Variants in AUH observed in about 807,000 individuals in gnomAD.
AUH encodes AU RNA binding methylglutaconyl-CoA hydratase.
Under a neutral mutation model 42.3 loss-of-function variants are expected in AUH, and 29 were observed. The observed-to-expected ratio is 0.69, with a 90% CI of 0.51 to 0.93. The LOEUF (loss-of-function observed/expected upper bound fraction) is 0.93. AUH is among the 40% of genes least tolerant of loss of function. The probability of loss-of-function intolerance (pLI) is 0.00; values close to 1 mark genes in which losing one functional copy is unlikely to be tolerated. For synonymous variants in AUH, 174 were observed against 166.4 expected (o/e 1.05, Z -0.35); for missense variants, 452 against 438.1 (o/e 1.03, Z -0.28).
intron 6 of AUH, among the ~76,000 whole-genome samples, chr9:91,234,368 A>G (rs3851542): frequency 1.3e-5 from 2 of 152,194 alleles, no homozygotes; most frequent in African/African-American, 4.8e-5. Flanking sequence ...AGTGACGTGC[A>G]GACCTGCCAT....
intron 1 of AUH, chr9:91,357,478 A>T (rs1439303788): frequency 6.2e-6 from 6 of 966,950 alleles, no homozygotes; most frequent in Non-Finnish European, 7.4e-6. Flanking sequence ...CATACTGAGT[A>T]CGTACTATAG....
intron 3 of AUH, among the ~76,000 whole-genome samples, chr9:91,355,254 A>C (rs1832317949): frequency 6.6e-6 from 1 of 152,190 alleles, no homozygotes; most frequent in African/African-American, 2.4e-5. Context: ...AAAATTGAGA[A>C]TCCTTAAGAA....
At chr9:91,338,781 T>C (rs752955824) in intron 3 of AUH, among the ~76,000 whole-genome samples, 3 of 152,162 alleles carry the variant, frequency 2.0e-5, no homozygotes, top group African/African-American at 4.8e-5. Flanking sequence ...TTGGAAATAG[T>C]TGAACAAATA....
chr9:91,348,739 A>C, intron 3 of AUH, among the ~76,000 whole-genome samples: 1 of 152,168 alleles, frequency 6.6e-6, no homozygotes, highest in East Asian at 1.9e-4. Context: ...ACTTTCAGAG[A>C]TCAGGGCAAG....
chr9:91,257,690 T>C (rs1353999558), intron 6 of AUH, among the ~76,000 whole-genome samples: 5 of 152,228 alleles, frequency 3.3e-5, no homozygotes, highest in Non-Finnish European at 5.9e-5. Context: ...TGTCTTGATT[T>C]CTGTACCTTT....
intron 6 of AUH, among the ~76,000 whole-genome samples, chr9:91,253,394 A>G (rs1158588567): frequency 6.6e-6 from 1 of 152,208 alleles, no homozygotes; most frequent in African/African-American, 2.4e-5. Flanking sequence ...TATTTTTGTT[A>G]TGATGTTAAA....
Position 91,292,494 on chromosome 9 carries a change from G to A in AUH, c.655+3527C>T, listed in dbSNP as rs563974941. On this transcript the variant is annotated intron_variant, in intron 6 of 9. Coordinates refer to ENST00000375731, the MANE Select transcript of AUH (RefSeq NM_001698.3). ...GGGTTTCACCAGGTTGGCCAGGCTG[G>A]TCTCAAACTCCTGACCTCAAGTGAT... Among the ~76,000 whole-genome samples the A allele has an allele frequency of 4.0e-5, 6 of 151,886 alleles. No individual in the cohort carries two copies. The East Asian group carries it at 5.8e-4, about 15-fold the overall frequency.
intron 6 of AUH, among the ~76,000 whole-genome samples, chr9:91,255,035 A>C (rs904124224): frequency 1.3e-5 from 2 of 152,238 alleles, no homozygotes; most frequent in African/African-American, 2.4e-5. Context: ...TGTCATACCA[A>C]AGTTGGAATA....
At chr9:91,345,168 T>G (rs1831401428) in intron 3 of AUH, among the ~76,000 whole-genome samples, 1 of 152,148 alleles carries the variant, frequency 6.6e-6, no homozygotes, top group Non-Finnish European at 1.5e-5. Flanking sequence ...ACACTCACAC[T>G]GCTTTTAGTC....
intron 6 of AUH, among the ~76,000 whole-genome samples, chr9:91,287,597 T>C (rs10991869): frequency 0.084 from 12,828 of 152,192 alleles, 775 homozygotes; most frequent in Admixed American, 0.2. Context: ...GTAACTATTC[T>C]GTAAATCTGA....
intron 4 of AUH, among the ~76,000 whole-genome samples, chr9:91,300,507 G>A (rs1017196375): frequency 7.9e-5 from 12 of 152,130 alleles, no homozygotes; most frequent in African/African-American, 2.9e-4. Context: ...TTTCTCACCA[G>A]CAGGAAGTAC....
chr9:91,220,843 T>C lies in AUH; in HGVS notation c.805A>G (p.Arg269Gly), dbSNP rs1242473990. The change falls in exon 7 of 10, where the codon AGG (arginine) becomes GGG (glycine). Residue 269 changes from arginine to glycine, a missense_variant. Transcript: ENST00000375731. ...EQNQEGDAAY[R>G]KALDLAREFL... ...TCTCTCGCCAGGTCCAAGGCCTTCC[T>C]GTAGGCCGCGTCTCCCTCCTGGTTC... 2 of 1,614,128 alleles carry C rather than the reference T, an allele frequency of 1.2e-6. No homozygotes were observed. Among genetic ancestry groups the C allele is most frequent in the Non-Finnish European group, 8.5e-7 (1 of 1,180,050 alleles).
intron 3 of AUH, among the ~76,000 whole-genome samples, chr9:91,328,165 T>C (rs1349515877): frequency 6.6e-6 from 1 of 152,152 alleles, no homozygotes; most frequent in East Asian, 1.9e-4. Flanking sequence ...ATTCAACCCC[T>C]TCTAATCTCC....
chr9:91,235,139 C>G (rs1189180524), intron 6 of AUH, among the ~76,000 whole-genome samples: 2 of 151,930 alleles, frequency 1.3e-5, no homozygotes, highest in Non-Finnish European at 2.9e-5. Flanking sequence ...GGATTTTGAG[C>G]AGCAAGTGAC....
At chr9:91,301,239 G>GC (rs1385645283) in intron 4 of AUH, among the ~76,000 whole-genome samples, 2 of 152,146 alleles carry the variant, frequency 1.3e-5, no homozygotes, top group Non-Finnish European at 2.9e-5. Context: ...AAGTCACTCA[G>GC]CAAGTAGCTG....
intron 5 of AUH, among the ~76,000 whole-genome samples, chr9:91,296,970 C>T (rs1458834852): frequency 5.4e-4 from 82 of 152,210 alleles, no homozygotes; most frequent in Non-Finnish European, 1.5e-5. Context: ...CATGCAGCCA[C>T]ATCAGAAACG....
chr9:91,294,726 G>A (rs1475604166), intron 6 of AUH: 1 of 455,852 alleles, frequency 2.2e-6, no homozygotes, highest in East Asian at 6.9e-5. Flanking sequence ...ATATTAACAG[G>A]AGTTTGGAAG....
chr9:91,270,106 T>C (rs754591766), intron 6 of AUH, among the ~76,000 whole-genome samples: 128 of 152,304 alleles, frequency 8.4e-4, no homozygotes, highest in Middle Eastern at 3.4e-3. Flanking sequence ...AAAGTTCCTG[T>C]GAAGGTTGTA....
In AUH at chr9:91,355,906, T is replaced by C. The variant is rs1196517974; in HGVS notation, c.395A>G (p.Glu132Gly). 1.9e-6 allele frequency: 3 copies of C among 1,612,640 alleles called. No individual in the cohort carries two copies. Among genetic ancestry groups the C allele is most frequent in the African/African-American group, 2.7e-5 (2 of 74,858 alleles). The change falls in exon 3 of 10, where the codon GAA becomes GGA. Residue 132 changes from glutamate to glycine, a missense_variant. Physicochemically the swap from Glu to Gly is moderately conservative, Grantham distance 98. Transcript: ENST00000375731. ...KKVRTIIIRS[E>G]VPGIFCAGAD... ...ACCAGCACAGAATATCCCTGGGACT[T>C]CACTCCTGATTATTATGGTCCGTAC...
Sources: gnomAD v4.1 joint callset for allele counts (sites outside exome capture counted in the v4.1 genomes callset) on GRCh38, gnomAD v4.1.1 for gene constraint, MANE v1.5 for transcripts, NCBI Gene and HGNC (gene_info 2026-07-23, HGNC 2026-07-21) for gene names.